The following DTNA variants were observed in gnomAD, a reference collection of about 807,000 sequenced individuals.
The protein encoded by DTNA is dystrophin-related protein 3.
In DTNA, 43 loss-of-function variants were observed where a neutral mutation model predicts 100.7. The observed-to-expected ratio is 0.43, with a 90% CI of 0.33 to 0.55. The LOEUF (loss-of-function observed/expected upper bound fraction) is 0.55, where lower values mean the gene tolerates loss of function less well. Among genes scored for constraint, DTNA ranks in the 20% least tolerant of loss-of-function variants. DTNA has a pLI of 0.04. For synonymous variants in DTNA, 349 were observed against 347.9 expected (o/e 1.00, Z -0.04); for missense variants, 798 against 953.9 (o/e 0.84, Z 2.15).
intron 13 of DTNA, among the ~76,000 whole-genome samples, chr18:34,842,710 G>A (rs2096291936): frequency 6.6e-6 from 1 of 152,118 alleles, no homozygotes; most frequent in Non-Finnish European, 1.5e-5. Flanking sequence ...ATATGCACAT[G>A]AACTTGCTTG....
chr18:34,718,289 CTT>C (rs770665778), intron 1 of DTNA, among the ~76,000 whole-genome samples: 1 of 152,096 alleles, frequency 6.6e-6, no homozygotes. Flanking sequence ...GAGGTGGAAA[CTT>C]AATATTTATG....
chr18:34,603,831 C>T lies in DTNA; in HGVS notation c.-2+110317C>T, dbSNP rs113065283. Among the ~76,000 whole-genome samples the T allele has an allele frequency of 1.4e-4, 22 of 152,270 alleles. 1 individual carries two copies. The highest frequency in any genetic ancestry group is 5.3e-4 in the African/African-American group (22 of 41,558). ...TTGTGAAGAGAAAGGTCATCTTCAACTTCAACATCTTCAACTTCTTTTTCT... is the reference window on the plus strand; with the variant it reads ...TTGTGAAGAGAAAGGTCATCTTCAATTTCAACATCTTCAACTTCTTTTTCT... On this transcript the variant is annotated intron_variant, in intron 1 of 19. Transcript: ENST00000283365.
At chr18:34,733,882 A>AT (rs1037775657) in intron 1 of DTNA, among the ~76,000 whole-genome samples, 7 of 152,122 alleles carry the variant, frequency 4.6e-5, no homozygotes, top group Non-Finnish European at 1.0e-4. Context: ...CTATTAGAAT[A>AT]TTTTTTAACT....
At chr18:34,793,523 A>G (rs1412116057) in intron 3 of DTNA, among the ~76,000 whole-genome samples, 1 of 152,146 alleles carries the variant, frequency 6.6e-6, no homozygotes, top group Non-Finnish European at 1.5e-5. Context: ...TTCCAACAGC[A>G]TACTACTAAA....
At chr18:34,717,112 A>G (rs977888235) in intron 1 of DTNA, among the ~76,000 whole-genome samples, 1 of 152,180 alleles carries the variant, frequency 6.6e-6, no homozygotes, top group African/African-American at 2.4e-5. Flanking sequence ...CTCCAGAGCA[A>G]TCTGTTCAAA....
chr18:34,637,538 T>C (rs2058793523), intron 1 of DTNA, among the ~76,000 whole-genome samples: 1 of 152,200 alleles, frequency 6.6e-6, no homozygotes, highest in Non-Finnish European at 1.5e-5. Flanking sequence ...TCTCAGATAC[T>C]ATTAGGCTAA....
intron 1 of DTNA, among the ~76,000 whole-genome samples, chr18:34,602,834 CT>C (rs1176591338): frequency 5.3e-5 from 8 of 151,742 alleles, no homozygotes; most frequent in African/African-American, 1.7e-4. Context: ...GAAACCCCGT[CT>C]CTACTAAAAA....
intron 3 of DTNA, among the ~76,000 whole-genome samples, chr18:34,778,818 TG>T (rs1171914441): frequency 1.3e-5 from 2 of 152,182 alleles, no homozygotes; most frequent in African/African-American, 4.8e-5. Flanking sequence ...TTGTTGTTGT[TG>T]TTGTTGTTGT....
chr18:34,524,013 A>C (rs1272222305), intron 1 of DTNA, among the ~76,000 whole-genome samples: 1 of 152,204 alleles, frequency 6.6e-6, no homozygotes, highest in Non-Finnish European at 1.5e-5. Flanking sequence ...GGATTTGAGT[A>C]GGTCACTGTG....
At chr18:34,794,376 T>C in intron 4 of DTNA, 126 bp downstream of exon 4, 7 of 1,028,768 alleles carry the variant, frequency 6.8e-6, no homozygotes, top group Non-Finnish European at 8.7e-6. Context: ...TTTCTTACAG[T>C]GGATGCTTAT....
chr18:34,881,949 A>T, intron 20 of DTNA, 120 bp from the exon 21 acceptor site: 1 of 1,382,820 alleles, frequency 7.2e-7, no homozygotes, highest in Non-Finnish European at 1.0e-6. Context: ...AAGACATGAA[A>T]GTGACTTGGA....
At position 34,816,031 on chromosome 18, in the gene DTNA, G is replaced by A. The variant is rs754129799; in HGVS notation, c.709+17G>A. On this transcript the variant is annotated intron_variant, in intron 7 of 22. Coordinates refer to ENST00000444659, the MANE Select transcript of DTNA (RefSeq NM_001386795.1). Reference sequence around the variant, plus strand: ...TGGAAAATGGTGAGTAGTTACTAAGGAGCAAAGGTGATTTTTTAAATTATT... The same window carrying A: ...TGGAAAATGGTGAGTAGTTACTAAGAAGCAAAGGTGATTTTTTAAATTATT... The A allele has an allele frequency of 6.2e-7, 1 of 1,606,148 alleles. No individual in the cohort carries two copies. The highest frequency in any genetic ancestry group is 1.1e-5 in the South Asian group (1 of 90,930).
intron 1 of DTNA, among the ~76,000 whole-genome samples, chr18:34,593,883 A>G (rs2146971435): frequency 6.6e-6 from 1 of 152,274 alleles, no homozygotes; most frequent in East Asian, 1.9e-4. Flanking sequence ...CCATTGGATG[A>G]AACTATATTA....
intron 4 of DTNA, among the ~76,000 whole-genome samples, chr18:34,795,523 C>T (rs1568550686): frequency 1.3e-5 from 2 of 152,260 alleles, no homozygotes; most frequent in East Asian, 3.9e-4. Flanking sequence ...ACTGTGGTTC[C>T]ACATGACAGG....
At chr18:34,789,813 A>C (rs9966025) in intron 3 of DTNA, among the ~76,000 whole-genome samples, 125,195 of 152,154 alleles carry the variant, frequency 0.82, 52,476 homozygotes, top group East Asian at 0.99. Flanking sequence ...ATGTTTAATA[A>C]CTTTCATATA....
At chr18:34,638,422 T>G (rs2058889628) in intron 1 of DTNA, among the ~76,000 whole-genome samples, 1 of 152,244 alleles carries the variant, frequency 6.6e-6, no homozygotes, top group African/African-American at 2.4e-5. Flanking sequence ...TTTACCTGTC[T>G]GGAAAAGGGC....
chr18:34,610,438 T>C (rs16965649), intron 1 of DTNA, among the ~76,000 whole-genome samples: 2,126 of 152,270 alleles, frequency 0.014, 50 homozygotes, highest in African/African-American at 0.049. Context: ...GTCCAGAAAC[T>C]TTATGACTTT....
At chr18:34,507,248 C>G (rs2040581286) in intron 1 of DTNA, among the ~76,000 whole-genome samples, 1 of 152,148 alleles carries the variant, frequency 6.6e-6, no homozygotes, top group South Asian at 2.1e-4. Context: ...CCACACCATC[C>G]CAGCTCTTGC....
chr18:34,558,351 T>G (rs1268880158), intron 1 of DTNA, among the ~76,000 whole-genome samples: 1 of 152,202 alleles, frequency 6.6e-6, no homozygotes, highest in Non-Finnish European at 1.5e-5. Context: ...CCCTGGGAGC[T>G]GTAGACTGGA....
Sources: gnomAD v4.1 joint callset for allele counts (sites outside exome capture counted in the v4.1 genomes callset) on GRCh38, gnomAD v4.1.1 for gene constraint, MANE v1.5 for transcripts, NCBI Gene and HGNC (gene_info 2026-07-23, HGNC 2026-07-21) for gene names.